The following NFIA variants were observed in gnomAD, a reference collection of about 807,000 sequenced individuals.
NFIA encodes the protein nuclear factor I A.
In NFIA, 8 loss-of-function variants were observed where a neutral mutation model predicts 62.8. The observed-to-expected ratio is 0.13, with a 90% CI of 0.07 to 0.23. The LOEUF is 0.23. Ranked by LOEUF, NFIA falls within the 10% of genes least tolerant of loss-of-function variation. The pLI is 1.00. For synonymous variants in NFIA, 235 were observed against 238.1 expected, an observed-to-expected ratio of 0.99 and a Z score of 0.12; for missense variants, 410 against 642.1, an observed-to-expected ratio of 0.64 and a Z score of 3.91.
In NFIA at chr1:61,159,864, T is replaced by A. The variant is rs575492195; in HGVS notation, c.559+71184T>A. On this transcript the variant is annotated intron_variant, in intron 2 of 10. Coordinates refer to ENST00000403491, the MANE Select transcript of NFIA (RefSeq NM_001134673.4). Reference sequence around the variant, plus strand: ...GCCCGACTAATTTTTATATTTTTAGTAGAGACGGGGTTTCACCATGTTGGC... The same window carrying A: ...GCCCGACTAATTTTTATATTTTTAGAAGAGACGGGGTTTCACCATGTTGGC... Among the ~76,000 whole-genome samples, 46 of 152,144 alleles carry A rather than the reference T, an allele frequency of 3.0e-4. 2 individuals are homozygous for A. The South Asian group carries it at 6.2e-3, about 21-fold the overall frequency.
chr1:61,420,291 T>C (rs1666545600), intron 9 of NFIA, among the ~76,000 whole-genome samples: 1 of 152,194 alleles, frequency 6.6e-6, no homozygotes, highest in Non-Finnish European at 1.5e-5. Flanking sequence ...TGAGTTCAGT[T>C]GTAATGGTTT....
At chr1:61,306,423 A>G (rs900989426) in intron 3 of NFIA, among the ~76,000 whole-genome samples, 3 of 151,538 alleles carry the variant, frequency 2.0e-5, no homozygotes, top group Non-Finnish European at 2.9e-5. Context: ...CTACAGGCGC[A>G]CACCACCATG....
chr1:61,115,753 A>G (rs1391089602), intron 2 of NFIA, among the ~76,000 whole-genome samples: 1 of 152,212 alleles, frequency 6.6e-6, no homozygotes, highest in Non-Finnish European at 1.5e-5. Context: ...GCAATGTTGA[A>G]AACATTTGTC....
chr1:61,340,632 C>G (rs552943555), intron 4 of NFIA, among the ~76,000 whole-genome samples: 1 of 152,182 alleles, frequency 6.6e-6, no homozygotes, highest in African/African-American at 2.4e-5. Context: ...GAGCCTCAGC[C>G]CCTGATCGTT....
At chr1:61,264,354 A>G (rs189000977) in intron 2 of NFIA, among the ~76,000 whole-genome samples, 55 of 152,236 alleles carry the variant, frequency 3.6e-4, no homozygotes, top group Admixed American at 6.5e-4. Flanking sequence ...TTTAGAAAAA[A>G]AGAATTTGAC....
At chr1:61,339,460 C>T (rs1661786061) in intron 4 of NFIA, among the ~76,000 whole-genome samples, 1 of 152,102 alleles carries the variant, frequency 6.6e-6, no homozygotes, top group South Asian at 2.1e-4. Context: ...GCAAATGTTA[C>T]ATTTTCTAGT....
chr1:61,133,577 G>T (rs1420331231), intron 2 of NFIA, among the ~76,000 whole-genome samples: 1 of 152,166 alleles, frequency 6.6e-6, no homozygotes, highest in Non-Finnish European at 1.5e-5. Flanking sequence ...TGACAGCATT[G>T]CCTAGTGGGG....
intron 7 of NFIA, 119 bp from the exon 8 acceptor site, chr1:61,403,985 C>A: frequency 8.5e-7 from 1 of 1,178,706 alleles, no homozygotes. Flanking sequence ...TAAATTCAGT[C>A]ACATGAGCAA....
intron 6 of NFIA, among the ~76,000 whole-genome samples, chr1:61,373,901 CAT>C (rs1198916909): frequency 2.6e-5 from 4 of 151,968 alleles, no homozygotes; most frequent in Non-Finnish European, 4.4e-5. Flanking sequence ...GGTATCATAT[CAT>C]AGAGACCAGA....
At position 61,114,023 on chromosome 1, in the gene NFIA, C is replaced by T. The variant is rs58113447; in HGVS notation, c.559+25343C>T. 4.7e-4 allele frequency among the ~76,000 whole-genome samples: 72 copies of T among 152,184 alleles called. 1 individual carries two copies. In the East Asian group the frequency reaches 0.013, roughly 27 times the overall value. The stretch of plus-strand genomic sequence containing the variant: ...AGCATTGAAAACAAGAGTAGAGTGA[C>T]AGACAGTGGAACAGTAGCTTTGTCT... On this transcript the variant is annotated intron_variant, in intron 2 of 10. Coordinates refer to ENST00000403491, the MANE Select transcript of NFIA (RefSeq NM_001134673.4).
chr1:61,428,744 A>G (rs1666977342), intron 10 of NFIA, among the ~76,000 whole-genome samples: 1 of 152,160 alleles, frequency 6.6e-6, no homozygotes, highest in South Asian at 2.1e-4. Context: ...CAGAAGAGGA[A>G]TTTTTGACAA....
intron 9 of NFIA, among the ~76,000 whole-genome samples, chr1:61,415,685 G>C (rs1666317340): frequency 6.6e-6 from 1 of 152,068 alleles, no homozygotes; most frequent in Admixed American, 6.5e-5. Context: ...ATTCTCTTGT[G>C]CTACTAAAGG....
rs148723079 is a variant in NFIA, at chr1:61,288,524, G to A, written c.625+10939G>A. On this transcript the variant is annotated intron_variant, in intron 3 of 10. Transcript: ENST00000403491. Reference sequence around the variant, plus strand: ...TTAAACTCTATTAGGCTTAAAGCCAGATAATAACAAAAATAATGATTTTTG... The same window carrying A: ...TTAAACTCTATTAGGCTTAAAGCCAAATAATAACAAAAATAATGATTTTTG... Among the ~76,000 whole-genome samples, 280 of 152,314 alleles carry A rather than the reference G, an allele frequency of 1.8e-3. 1 individual carries two copies. Among genetic ancestry groups the A allele is most frequent in the Non-Finnish European group, 3.2e-3 (216 of 68,026 alleles).
intron 2 of NFIA, among the ~76,000 whole-genome samples, chr1:61,109,293 A>G (rs977954820): frequency 9.9e-5 from 15 of 151,852 alleles, no homozygotes; most frequent in African/African-American, 3.6e-4. Context: ...TGATTAATGT[A>G]CGAGAAGTCC....
At chr1:61,294,781 T>G (rs1030876189) in intron 3 of NFIA, among the ~76,000 whole-genome samples, 5 of 152,220 alleles carry the variant, frequency 3.3e-5, no homozygotes, top group Admixed American at 1.3e-4. Context: ...CCCTGTTGTC[T>G]GGTGCAGTGT....
At chr1:61,266,333 G>T (rs1239628722) in intron 2 of NFIA, among the ~76,000 whole-genome samples, 1 of 151,700 alleles carries the variant, frequency 6.6e-6, no homozygotes, top group Non-Finnish European at 1.5e-5. Context: ...GTATTTTATG[G>T]CTCTGAAAGA....
chr1:61,308,167 C>T (rs1659903622), intron 3 of NFIA, among the ~76,000 whole-genome samples: 1 of 152,176 alleles, frequency 6.6e-6, no homozygotes, highest in African/African-American at 2.4e-5. Flanking sequence ...AATGCAGTAG[C>T]AGCCAGGTTA....
At chr1:61,421,101 G>T (rs1266793323) in intron 9 of NFIA, among the ~76,000 whole-genome samples, 1 of 152,110 alleles carries the variant, frequency 6.6e-6, no homozygotes, top group Non-Finnish European at 1.5e-5. Flanking sequence ...CCATCCCAGA[G>T]GCCCGCTCCA....
chr1:61,084,228 A>G (rs1161336256), intron 1 of NFIA, among the ~76,000 whole-genome samples: 1 of 152,182 alleles, frequency 6.6e-6, no homozygotes, highest in African/African-American at 2.4e-5. Context: ...AAGTATCAGT[A>G]GTTTTCGCTC....
Sources: gnomAD v4.1 joint callset for allele counts (sites outside exome capture counted in the v4.1 genomes callset) on GRCh38, gnomAD v4.1.1 for gene constraint, MANE v1.5 for transcripts, NCBI Gene and HGNC (gene_info 2026-07-23, HGNC 2026-07-21) for gene names.